The following PTGER3 variants were observed in gnomAD, a reference collection of about 807,000 sequenced individuals.
PTGER3 encodes prostaglandin E receptor 3.
A neutral mutation model predicts 34.7 loss-of-function variants in PTGER3; 22 were observed. The observed-to-expected ratio is 0.63, with a 90% CI of 0.45 to 0.91. The LOEUF (loss-of-function observed/expected upper bound fraction) is 0.91. Among genes scored for constraint, PTGER3 ranks in the 40% least tolerant of loss-of-function variants. PTGER3 has a pLI of 0.00. For missense variants in PTGER3, 468 were observed against 519.4 expected, an observed-to-expected ratio of 0.90 and a Z score of 0.96; for synonymous variants, 241 against 230.1, an observed-to-expected ratio of 1.05 and a Z score of -0.43.
exon 5 of PTGER3, chr1:70,852,557 A>T: frequency 2.2e-6 from 1 of 462,626 alleles, no homozygotes; most frequent in Non-Finnish European, 3.8e-6. Flanking sequence ...ATTTTCAATA[A>T]AAAAATGCAA....
At chr1:70,938,976 A>T (rs1649504605) in intron 4 of PTGER3, among the ~76,000 whole-genome samples, 1 of 152,072 alleles carries the variant, frequency 6.6e-6, no homozygotes, top group South Asian at 2.1e-4. Context: ...TTCAGCATTA[A>T]CCCAAAAGTC....
chr1:70,929,172 C>T (rs141944154), intron 4 of PTGER3, among the ~76,000 whole-genome samples: 1 of 152,116 alleles, frequency 6.6e-6, no homozygotes, highest in Non-Finnish European at 1.5e-5. Flanking sequence ...AATAAAATAG[C>T]TCTAAAGACG....
chr1:71,042,791 T>A (rs1214571135), intron 1 of PTGER3, among the ~76,000 whole-genome samples: 3 of 152,146 alleles, frequency 2.0e-5, no homozygotes, highest in African/African-American at 7.2e-5. Flanking sequence ...TGAAAAAAAA[T>A]CACAACTACA....
intron 4 of PTGER3, among the ~76,000 whole-genome samples, chr1:70,906,313 AG>A (rs1646946858): frequency 6.6e-6 from 1 of 152,230 alleles, no homozygotes; most frequent in African/African-American, 2.4e-5. Context: ...TAATTATGAG[AG>A]TAAAGGGAAA....
chr1:70,980,291 GC>G (rs2100718964), intron 2 of PTGER3, among the ~76,000 whole-genome samples: 1 of 152,232 alleles, frequency 6.6e-6, no homozygotes, highest in East Asian at 1.9e-4. Context: ...GGGATTGATA[GC>G]CAAAAACCTT....
downstream of PTGER3, among the ~76,000 whole-genome samples, chr1:70,948,148 C>T (rs1650393354): frequency 6.6e-6 from 1 of 151,992 alleles, no homozygotes; most frequent in Non-Finnish European, 1.5e-5. Context: ...TAGACATGAG[C>T]CTTTGAGATT....
intron 4 of PTGER3, among the ~76,000 whole-genome samples, chr1:70,913,129 A>G (rs144968299): frequency 6.6e-6 from 1 of 152,078 alleles, no homozygotes; most frequent in Non-Finnish European, 1.5e-5. Context: ...TGAACACAGT[A>G]TATGTCTCCA....
At chr1:71,039,621 G>T (rs1436930573) in intron 1 of PTGER3, among the ~76,000 whole-genome samples, 1 of 135,910 alleles carries the variant, frequency 7.4e-6, no homozygotes, top group Non-Finnish European at 1.5e-5. Context: ...CTGCACTCCA[G>T]CCTGGGTGAC....
In PTGER3 at chr1:70,915,512, G is replaced by A. The variant is rs566575546; in HGVS notation, c.*23+38251C>T. ...AGGTCACTGAATTTGAAGTCAGATTGTTGTCTGTTTAGATAGTTTGGAGAG... is the reference window on the plus strand; with the variant it reads ...AGGTCACTGAATTTGAAGTCAGATTATTGTCTGTTTAGATAGTTTGGAGAG... On this transcript the variant is annotated intron_variant, in intron 4 of 4. Transcript: ENST00000370931. 1.8e-3 allele frequency among the ~76,000 whole-genome samples: 270 copies of A among 152,080 alleles called. 1 individual carries two copies. Among genetic ancestry groups the A allele is most frequent in the Non-Finnish European group, 2.8e-3 (193 of 67,844 alleles).
chr1:70,905,089 A>G (rs1271544080), intron 4 of PTGER3, among the ~76,000 whole-genome samples: 1 of 152,152 alleles, frequency 6.6e-6, no homozygotes, highest in Non-Finnish European at 1.5e-5. Context: ...TTCAGAGGGT[A>G]CAAGCTCCAA....
intron 4 of PTGER3, among the ~76,000 whole-genome samples, chr1:70,866,583 G>A (rs538397006): frequency 4.6e-5 from 7 of 152,164 alleles, no homozygotes; most frequent in African/African-American, 1.4e-4. Flanking sequence ...TGAGCTTTTC[G>A]ATTGAAAGAC....
chr1:70,983,660 T>G (rs1210134553), intron 2 of PTGER3, among the ~76,000 whole-genome samples: 1 of 152,158 alleles, frequency 6.6e-6, no homozygotes, highest in Admixed American at 6.6e-5. Flanking sequence ...TTAAGCCTGG[T>G]GATAACCACG....
At chr1:71,035,195 T>A (rs983343906) in intron 1 of PTGER3, among the ~76,000 whole-genome samples, 4 of 152,210 alleles carry the variant, frequency 2.6e-5, no homozygotes, top group Non-Finnish European at 4.4e-5. Flanking sequence ...TAATGCACAC[T>A]CTCTTATTTT....
chr1:70,927,323 G>T (rs1482338861), intron 4 of PTGER3, among the ~76,000 whole-genome samples: 4 of 152,066 alleles, frequency 2.6e-5, no homozygotes, highest in African/African-American at 9.7e-5. Context: ...GACTCTTTTT[G>T]GTTGGAACCT....
chr1:70,868,470 C>T (rs1174248751), intron 4 of PTGER3, among the ~76,000 whole-genome samples: 1 of 152,122 alleles, frequency 6.6e-6, no homozygotes, highest in Non-Finnish European at 1.5e-5. Flanking sequence ...ACTGAGTTCT[C>T]CTGGAGGTGG....
intron 2 of PTGER3, among the ~76,000 whole-genome samples, chr1:70,975,236 T>G (rs779931270): frequency 3.3e-5 from 5 of 152,180 alleles, no homozygotes; most frequent in Non-Finnish European, 7.4e-5. Flanking sequence ...ACAGAAATCA[T>G]AGTGGATAAG....
chr1:71,004,848 C>T (rs899748494), intron 2 of PTGER3, among the ~76,000 whole-genome samples: 3 of 152,180 alleles, frequency 2.0e-5, no homozygotes, highest in East Asian at 3.9e-4. Context: ...GTGGCAGCAC[C>T]ACATTTTTGT....
In PTGER3 at chr1:70,954,118, G is replaced by A. The variant is rs80123132; in HGVS notation, c.1078-329C>T. Among the ~76,000 whole-genome samples the A allele has an allele frequency of 9.2e-5, 14 of 152,230 alleles. No individual in the cohort carries two copies. In the East Asian group the frequency reaches 2.7e-3, roughly 29 times the overall value. On this transcript the variant is annotated intron_variant, in intron 2 of 3. Coordinates refer to the PTGER3 transcript ENST00000356595. Reference sequence around the variant, plus strand: ...TCTGTCACACGCTGCTCCCAGGAAAGTATATAGAAATCACTCACTAAGATA... The same window carrying A: ...TCTGTCACACGCTGCTCCCAGGAAAATATATAGAAATCACTCACTAAGATA...
chr1:70,918,798 A>G (rs981171114), intron 4 of PTGER3, among the ~76,000 whole-genome samples: 11 of 152,138 alleles, frequency 7.2e-5, no homozygotes, highest in African/African-American at 1.9e-4. Context: ...ATGTACTTCT[A>G]TTGAAGTTCT....
Sources: allele counts gnomAD v4.1 joint callset (sites outside exome capture counted in the v4.1 genomes callset), GRCh38; gene constraint gnomAD v4.1.1; transcripts MANE v1.5; gene names NCBI Gene and HGNC (gene_info 2026-07-23, HGNC 2026-07-21).